The following PIK3C2B variants were observed in gnomAD, a reference collection of about 807,000 sequenced individuals.
PIK3C2B encodes the protein phosphatidylinositol 4-phosphate 3-kinase C2 domain-containing subunit beta.
In PIK3C2B, 83 loss-of-function variants were observed where a neutral mutation model predicts 184.3. That is an observed-to-expected ratio of 0.45 (90% CI 0.38 to 0.54). PIK3C2B has a LOEUF of 0.54. PIK3C2B is among the 20% of genes least tolerant of loss of function. The pLI is 0.00. For missense variants in PIK3C2B, 1,736 were observed against 2,113.5 expected, an observed-to-expected ratio of 0.82 and a Z score of 3.50; for synonymous variants, 779 against 837.6, an observed-to-expected ratio of 0.93 and a Z score of 1.21.
chr1:204,441,533 G>C lies in PIK3C2B; in HGVS notation c.3187C>G (p.Pro1063Ala). 4 of 1,612,846 alleles carry C rather than the reference G, an allele frequency of 2.5e-6. No homozygotes were observed. Among genetic ancestry groups the C allele is most frequent in the Non-Finnish European group, 3.4e-6 (4 of 1,178,896 alleles). The change falls in exon 21 of 33, where the codon CCC becomes GCC. Residue 1063 changes from proline to alanine, a missense_variant. Transcript: ENST00000684373. The part of the protein sequence containing the change: ...DCSYFNSNAV[P>A]LKLSFQNVDP... ...ACATTTTGGAAGGAGAGTTTGAGGG[G>C]GACAGCATTGGAGTTGAAGTAGGAA...
At chr1:204,442,175 ATC>A (rs1342095157) in intron 20 of PIK3C2B, among the ~76,000 whole-genome samples, 2 of 152,122 alleles carry the variant, frequency 1.3e-5, no homozygotes, top group African/African-American at 2.4e-5. Context: ...TTTCTTCCTA[ATC>A]TCTCTCTTAT....
In PIK3C2B at chr1:204,469,080, T is replaced by C. The variant is rs1182685923; in HGVS notation, c.723A>G (p.Lys241=). The change falls in exon 2 of 33, where the codon AAA becomes AAG. Residue 241 remains lysine, a synonymous_variant. Transcript: ENST00000684373. ...INDAITRLNL[K]STYDAEMLRD... ...GCAACATCTCCGCATCATAGGTCGATTTCAAGTTGAGCCTAGTAATTGCAT... is the reference window on the plus strand; with the variant it reads ...GCAACATCTCCGCATCATAGGTCGACTTCAAGTTGAGCCTAGTAATTGCAT... 6.2e-7 allele frequency: 1 copy of C among 1,614,066 alleles called. No homozygotes were observed. The highest frequency in any genetic ancestry group is 8.5e-7 in the Non-Finnish European group (1 of 1,180,048).
At chr1:204,491,578 A>G (rs535456434) in intron 1 of PIK3C2B, among the ~76,000 whole-genome samples, 2 of 152,250 alleles carry the variant, frequency 1.3e-5, no homozygotes, top group African/African-American at 4.8e-5. Flanking sequence ...CTATAGTCCA[A>G]GCTACTCAGG....
Position 204,454,759 on chromosome 1 carries a change from C to T in PIK3C2B, c.1976G>A (p.Ser659Asn). The change falls in exon 12 of 33, where the codon AGC becomes AAC. Residue 659 changes from serine to asparagine, a missense_variant. Ser to Asn is a conservative substitution (Grantham distance 46). This residue lies in a region of PIK3C2B where 609 missense variants were observed against 699.2 expected (regional missense o/e 0.87). Coordinates refer to ENST00000684373, the MANE Select transcript of PIK3C2B (RefSeq NM_001377334.1). ...GCTGCACAGCTCCTTGCCGCCATGG[C>T]TGAGGGAGCAGGAGAGGTAGAAATC... is the stretch of plus-strand genomic sequence containing the variant. ...YEDFYLSCSL[S>N]HGGKELCSPL... 1 of 1,613,382 alleles carries T rather than the reference C, an allele frequency of 6.2e-7. No homozygotes were observed. The highest frequency in any genetic ancestry group is 8.5e-7 in the Non-Finnish European group (1 of 1,179,982).
At chr1:204,468,018 G>A (rs1284775595) in intron 2 of PIK3C2B, among the ~76,000 whole-genome samples, 7 of 151,970 alleles carry the variant, frequency 4.6e-5, no homozygotes, top group Admixed American at 4.6e-4. Context: ...CCTGCCTGGG[G>A]GCTTTGACCT....
intron 2 of PIK3C2B, 44 bp from the exon 3 acceptor site, chr1:204,465,363 TGTCCC>T: frequency 8.0e-7 from 1 of 1,243,374 alleles, no homozygotes; most frequent in Non-Finnish European, 1.2e-6. Flanking sequence ...TTCCTCGTGG[TGTCCC>T]CTCCCTATGA....
At chr1:204,460,432 G>A (rs1440741194) in intron 6 of PIK3C2B, 29 bp from the exon 7 acceptor site, 1 of 1,592,814 alleles carries the variant, frequency 6.3e-7, no homozygotes, top group Non-Finnish European at 8.6e-7. Flanking sequence ...ATTCAGAGAG[G>A]GGCGGTGCCC....
intron 23 of PIK3C2B, among the ~76,000 whole-genome samples, chr1:204,437,237 G>A (rs1675394458): frequency 6.6e-6 from 1 of 151,966 alleles, no homozygotes. Flanking sequence ...GCTCATGCCT[G>A]TAATCCCAGC....
chr1:204,476,773 A>G (rs1303569965), intron 1 of PIK3C2B, among the ~76,000 whole-genome samples: 1 of 152,196 alleles, frequency 6.6e-6, no homozygotes, highest in Non-Finnish European at 1.5e-5. Context: ...ATTGTATTCT[A>G]TGTGAATGAT....
In PIK3C2B at chr1:204,425,134, G is replaced by T. The variant is rs137859908; in HGVS notation, c.4717-94C>A. ...GAGGGAGATGGTAAAGTCTGTTGGG[G>T]GCTGATCCAGCTGAGGCTAGCACTC... On this transcript the variant is annotated intron_variant, in intron 32 of 32. Transcript: ENST00000684373. 8.1e-5 allele frequency: 82 copies of T among 1,017,446 alleles called. 2 individuals carry two copies. In the African/African-American group the frequency reaches 1.2e-3, roughly 14 times the overall value. The allele number at this position is 1,017,446 out of a possible 1,614,324, so 63.0% of individuals were successfully genotyped here.
At chr1:204,449,058 A>G (rs1055732737) in intron 14 of PIK3C2B, 127 bp downstream of exon 14, 2 of 691,850 alleles carry the variant, frequency 2.9e-6, no homozygotes, top group Non-Finnish European at 5.1e-6. Flanking sequence ...CTTCAGTCAC[A>G]TCATCCTCCC....
chr1:204,454,505 C>G, intron 12 of PIK3C2B, 164 bp downstream of exon 12: 2 of 541,736 alleles, frequency 3.7e-6, no homozygotes, highest in African/African-American at 2.0e-5. Flanking sequence ...AAAAAAGAGT[C>G]AGGGAAGTGG....
At chr1:204,491,322 G>A (rs1439346415) in intron 1 of PIK3C2B, among the ~76,000 whole-genome samples, 2 of 151,734 alleles carry the variant, frequency 1.3e-5, no homozygotes, top group Non-Finnish European at 2.9e-5. Flanking sequence ...CTGGGAGACG[G>A]AGGTTGCAGG....
intron 23 of PIK3C2B, among the ~76,000 whole-genome samples, chr1:204,437,313 G>A (rs770905047): frequency 6.6e-6 from 1 of 152,004 alleles, no homozygotes; most frequent in African/African-American, 2.4e-5. Flanking sequence ...TGGCCAACAT[G>A]GTGAAACCCC....
chr1:204,464,384 C>CT lies in PIK3C2B; in HGVS notation c.1189+65_1189+66insA. 1.1e-5 allele frequency: 15 copies of CT among 1,358,528 alleles called. 2 individuals carry two copies. The highest frequency in any genetic ancestry group is 2.5e-5 in the Admixed American group (1 of 40,578). 84.2% of individuals were successfully genotyped at this position (1,358,528 alleles called of 1,614,324 possible). A position where few individuals can be genotyped will look rare whatever the true frequency, so the allele number is the denominator to read the frequency against. On this transcript the variant is annotated intron_variant, in intron 4 of 32. Coordinates refer to ENST00000684373, the MANE Select transcript of PIK3C2B (RefSeq NM_001377334.1). ...CCACAAGATGAGGTGGAAATCGAGT[C>CT]AAAACACAGTCATCCCCACCCCACT...
At chr1:204,466,163 G>A (rs906503302) in intron 2 of PIK3C2B, among the ~76,000 whole-genome samples, 3 of 152,190 alleles carry the variant, frequency 2.0e-5, no homozygotes, top group Non-Finnish European at 2.9e-5. Context: ...TGAGGGGGAG[G>A]GAGAGCTGGT....
intron 31 of PIK3C2B, among the ~76,000 whole-genome samples, chr1:204,427,137 A>C (rs941110825): frequency 2.2e-5 from 3 of 139,010 alleles, no homozygotes; most frequent in African/African-American, 7.7e-5. Flanking sequence ...ACTCCATTTC[A>C]AAAAAAAAAA....
At chr1:204,441,025 T>C (rs1310358152) in intron 21 of PIK3C2B, among the ~76,000 whole-genome samples, 1 of 152,238 alleles carries the variant, frequency 6.6e-6, no homozygotes, top group Non-Finnish European at 1.5e-5. Flanking sequence ...CATTAGATTA[T>C]ATGCTCTGAG....
At chr1:204,427,051 CG>C (rs1431172233) in intron 31 of PIK3C2B, among the ~76,000 whole-genome samples, 1 of 152,016 alleles carries the variant, frequency 6.6e-6, no homozygotes, top group Non-Finnish European at 1.5e-5. Context: ...GCAGGAAAAT[CG>C]CTTGAACCCA....
Sources: gnomAD v4.1 joint callset for allele counts (sites outside exome capture counted in the v4.1 genomes callset) on GRCh38, gnomAD v4.1.1 for gene constraint, gnomAD v4.1.1 regional missense constraint, MANE v1.5 for transcripts, NCBI Gene and HGNC (gene_info 2026-07-23, HGNC 2026-07-21) for gene names.